PPM1E: variants seen among roughly 807,000 people sequenced by gnomAD.
PPM1E encodes the protein protein phosphatase, Mg2+/Mn2+ dependent 1E, also known as protein phosphatase 1E.
PPM1E carries 20 observed loss-of-function variants against 65.9 expected under a neutral mutation model. The observed-to-expected ratio is 0.30, with a 90% CI of 0.21 to 0.44. The LOEUF is 0.44. Among genes scored for constraint, PPM1E ranks in the 20% least tolerant of loss-of-function variants. PPM1E has a pLI of 1.00. For synonymous variants in PPM1E, 352 were observed against 374.9 expected (o/e 0.94, Z 0.70); for missense variants, 713 against 953.1 (o/e 0.75, Z 3.32).
At chr17:58,816,776 ATATATATATATATATATATTTTTTTT>A (rs1387700701) in intron 1 of PPM1E, among the ~76,000 whole-genome samples, 11 of 11,334 alleles carry the variant, frequency 9.7e-4, no homozygotes, top group African/African-American at 1.5e-3. Context: ...ATATATATAT[ATATATATATATATATATATTTTTTTT>A]TTTTTTTTTT....
chr17:58,862,026 A>C (rs1223217304), intron 1 of PPM1E, among the ~76,000 whole-genome samples: 7 of 152,234 alleles, frequency 4.6e-5, no homozygotes, highest in African/African-American at 7.2e-5. Context: ...CTAGGAGCTT[A>C]CAGTGGAAAC....
In PPM1E at chr17:58,755,900, A is replaced by T; in HGVS notation, c.-98A>T. 3 of 1,546,018 alleles carry T rather than the reference A, an allele frequency of 1.9e-6. No individual in the cohort carries two copies. Among genetic ancestry groups the T allele is most frequent in the Non-Finnish European group, 1.7e-6 (2 of 1,147,992 alleles). ...GATCGCTCGTGCCGGTGCGGCCGTTAACCGCCCTTGCCGGAGCCCTAGGCT... is the reference window on the plus strand; with the variant it reads ...GATCGCTCGTGCCGGTGCGGCCGTTTACCGCCCTTGCCGGAGCCCTAGGCT... On this transcript the variant is annotated 5_prime_UTR_variant, in exon 1 of 7. Coordinates refer to ENST00000308249, the MANE Select transcript of PPM1E (RefSeq NM_014906.5).
At chr17:58,788,439 C>A (rs1032826320) in intron 1 of PPM1E, among the ~76,000 whole-genome samples, 11 of 152,194 alleles carry the variant, frequency 7.2e-5, no homozygotes, top group Admixed American at 1.3e-4. Flanking sequence ...CAGTCTGCTA[C>A]AACGGTACTC....
chr17:58,758,227 G>A (rs1055235877), intron 1 of PPM1E, among the ~76,000 whole-genome samples: 2 of 151,896 alleles, frequency 1.3e-5, no homozygotes, highest in Admixed American at 6.6e-5. Context: ...GCAAGAAGAT[G>A]TGTGTTTTTT....
intron 1 of PPM1E, among the ~76,000 whole-genome samples, chr17:58,876,223 A>G (rs994192993): frequency 6.6e-6 from 1 of 152,164 alleles, no homozygotes; most frequent in Non-Finnish European, 1.5e-5. Flanking sequence ...ATTTTCTTAT[A>G]TTTGTACATA....
intron 1 of PPM1E, among the ~76,000 whole-genome samples, chr17:58,797,998 T>C (rs2050221846): frequency 6.6e-6 from 1 of 152,226 alleles, no homozygotes; most frequent in Admixed American, 6.5e-5. Context: ...TAGTATCTTG[T>C]ACTTTTAATC....
rs541127188 is a variant in PPM1E, at chr17:58,970,432, T to G, written c.972+705T>G. Among the ~76,000 whole-genome samples, 18 of 152,272 alleles carry G rather than the reference T, an allele frequency of 1.2e-4. 1 individual carries two copies. In the South Asian group the frequency reaches 3.7e-3, roughly 32 times the overall value. ...TATTGGATTTTTAACTGGGGACGAA[T>G]AAAAGAATTTTTAATTTTTAAAAAT... On this transcript the variant is annotated intron_variant, in intron 4 of 6. Transcript: ENST00000308249.
In PPM1E at chr17:58,912,093, C is replaced by G. The variant is rs188697733; in HGVS notation, c.465-43556C>G. On this transcript the variant is annotated intron_variant, in intron 1 of 6. Transcript: ENST00000308249. ...CTAAGCTGACCCTGGTTGGCTAAGA[C>G]TTAAACTTTTCCAATTAGGGTAAAC... is the stretch of plus-strand genomic sequence containing the variant. Among the ~76,000 whole-genome samples the G allele has an allele frequency of 6.6e-5, 10 of 152,236 alleles. No homozygotes were observed. In the East Asian group the frequency reaches 1.9e-3, roughly 29 times the overall value.
intron 1 of PPM1E, among the ~76,000 whole-genome samples, chr17:58,881,879 C>A (rs954635941): frequency 6.6e-6 from 1 of 151,194 alleles, no homozygotes; most frequent in Non-Finnish European, 1.5e-5. Flanking sequence ...GAAATACAGG[C>A]CAGGCATGGT....
rs1301519335 is a variant in PPM1E, at chr17:58,983,689, G to A, written c.*2658G>A. ...GTATAGTCTGTGAATTATGTGTTTT[G>A]TATTTTTATTCATTGTGTAATTTAG... On this transcript the variant is annotated 3_prime_UTR_variant, in exon 7 of 7. Coordinates refer to ENST00000308249, the MANE Select transcript of PPM1E (RefSeq NM_014906.5). 2 of 152,572 alleles carry A rather than the reference G, an allele frequency of 1.3e-5. No homozygotes were observed. Among genetic ancestry groups the A allele is most frequent in the African/African-American group, 2.4e-5 (1 of 41,426 alleles). 9.5% of individuals were successfully genotyped at this position (152,572 alleles called of 1,614,324 possible). A position where few individuals can be genotyped will look rare whatever the true frequency, so the allele number is the denominator to read the frequency against.
rs1009271665 is a variant in PPM1E at position 58,756,309 on chromosome 17, G to A, written c.312G>A (p.Thr104=). The part of the protein sequence containing the change: ...EGEEEEEGAA[T]AAAAPGHSAV... ...AGGAGGAGGAGGAGGGCGCGGCGAC[G>A]GCGGCGGCAGCCCCGGGGCACTCGG... The change falls in exon 1 of 7, where the codon ACG becomes ACA. Residue 104 remains threonine (T), a synonymous_variant. Coordinates refer to ENST00000308249, the MANE Select transcript of PPM1E (RefSeq NM_014906.5). The A allele has an allele frequency of 1.0e-4, 152 of 1,508,526 alleles. No individual in the cohort carries two copies. Among genetic ancestry groups the A allele is most frequent in the Non-Finnish European group, 1.2e-4 (141 of 1,129,530 alleles). 93.4% of individuals were successfully genotyped at this position (1,508,526 alleles called of 1,614,324 possible). A position where few individuals can be genotyped will look rare whatever the true frequency, so the allele number is the denominator to read the frequency against.
chr17:58,925,798 T>C (rs1277736214), intron 1 of PPM1E, among the ~76,000 whole-genome samples: 1 of 152,032 alleles, frequency 6.6e-6, no homozygotes, highest in East Asian at 1.9e-4. Flanking sequence ...GATGGGTACA[T>C]TGCAAAAATT....
At chr17:58,969,155 C>T (rs1030683799) in intron 3 of PPM1E, among the ~76,000 whole-genome samples, 2 of 152,178 alleles carry the variant, frequency 1.3e-5, no homozygotes, top group Non-Finnish European at 2.9e-5. Flanking sequence ...AAAAATCACT[C>T]AATCTGGAGC....
rs765601256 is a variant in PPM1E, at chr17:58,969,801, C to T, written c.972+74C>T. ...CAATTTGGTCTGTGTGGTTAAAGGG[C>T]TATTTAGATTTTCTCTTTCTGGGCA... On this transcript the variant is annotated intron_variant, in intron 4 of 6. Transcript: ENST00000308249. 1.3e-4 allele frequency: 175 copies of T among 1,384,462 alleles called. No homozygotes were observed. The Middle Eastern group carries it at 3.0e-3, about 24-fold the overall frequency. The allele number at this position is 1,384,462 out of a possible 1,614,324, so 85.8% of individuals were successfully genotyped here. A position where few individuals can be genotyped will look rare whatever the true frequency, so the allele number is the denominator to read the frequency against.
At chr17:58,905,881 G>T (rs1403325714) in intron 1 of PPM1E, among the ~76,000 whole-genome samples, 1 of 152,148 alleles carries the variant, frequency 6.6e-6, no homozygotes, top group East Asian at 1.9e-4. Flanking sequence ...TTCTGAAAGA[G>T]ACTGTAGAGA....
At chr17:58,941,716 G>T (rs866730800) in intron 1 of PPM1E, among the ~76,000 whole-genome samples, 1 of 142,670 alleles carries the variant, frequency 7.0e-6, no homozygotes, top group African/African-American at 2.6e-5. Flanking sequence ...AAAAAATGCT[G>T]GTCATAGGCC....
chr17:58,917,577 C>T (rs192039342), intron 1 of PPM1E, among the ~76,000 whole-genome samples: 1 of 152,308 alleles, frequency 6.6e-6, no homozygotes, highest in Admixed American at 6.5e-5. Flanking sequence ...CAGCTTGATG[C>T]CACTACTCTT....
At chr17:58,885,547 G>A (rs977757589) in intron 1 of PPM1E, among the ~76,000 whole-genome samples, 1 of 152,086 alleles carries the variant, frequency 6.6e-6, no homozygotes, top group Non-Finnish European at 1.5e-5. Flanking sequence ...TGGGTGTTAG[G>A]ATGGACATAA....
chr17:58,968,340 CT>C (rs2030388658), intron 3 of PPM1E, among the ~76,000 whole-genome samples: 1 of 152,132 alleles, frequency 6.6e-6, no homozygotes, highest in African/African-American at 2.4e-5. Context: ...CGGGATGATC[CT>C]TTGAGCCCAG....
Sources: gnomAD v4.1 joint callset for allele counts (sites outside exome capture counted in the v4.1 genomes callset) on GRCh38, gnomAD v4.1.1 for gene constraint, MANE v1.5 for transcripts, NCBI Gene and HGNC (gene_info 2026-07-23, HGNC 2026-07-21) for gene names.